Variants in SLC17A1 observed in about 807,000 individuals in gnomAD.
SLC17A1 encodes solute carrier family 17 member 1.
A neutral mutation model predicts 53.5 loss-of-function variants in SLC17A1; 51 were observed. The observed-to-expected ratio is 0.95, with a 90% CI of 0.76 to 1.20. The LOEUF is 1.20. Among genes scored for constraint, SLC17A1 ranks in the 50% most tolerant of loss-of-function variants. The probability of loss-of-function intolerance (pLI) is 0.00; values close to 1 mark genes in which losing one functional copy is unlikely to be tolerated. For synonymous variants in SLC17A1, 179 were observed against 198.8 expected (o/e 0.90, Z 0.84); for missense variants, 538 against 568.2 (o/e 0.95, Z 0.54).
At chr6:25,786,286 T>C (rs1561821232) in intron 12 of SLC17A1, among the ~76,000 whole-genome samples, 1 of 152,218 alleles carries the variant, frequency 6.6e-6, no homozygotes, top group Non-Finnish European at 1.5e-5. Flanking sequence ...AGACAAATTA[T>C]ATCAATGGTT....
the SLC17A1 span, chr6:25,770,146 T>C: frequency 1.9e-5 from 31 of 1,613,946 alleles, no homozygotes; most frequent in Admixed American, 3.3e-5. Flanking sequence ...TTGGCTCCAA[T>C]CCCCAGTGGC....
At chr6:25,770,193 G>T in the SLC17A1 span, 9 of 1,613,966 alleles carry the variant, frequency 5.6e-6, no homozygotes. Flanking sequence ...GTATGTGGTT[G>T]GTGCTGGCTT....
At position 25,798,849 on chromosome 6, in the gene SLC17A1, T is replaced by G. The variant is rs759822069; in HGVS notation, c.1340A>C (p.Tyr447Ser). ...AATTTCTGCTGTAGCAACTATAAGGTAGAAAATTAGGCCAGTCACATTAAT... is the reference window on the plus strand; with the variant it reads ...AATTTCTGCTGTAGCAACTATAAGGGAGAAAATTAGGCCAGTCACATTAAT... The part of the protein sequence containing the change: ...AAINVTGLIF[Y>S]LIVATAEIQD... The change falls in exon 12 of 13, where the codon TAC becomes TCC. Residue 447 changes from tyrosine to serine, a missense_variant. Physicochemically the swap from Tyr to Ser is moderately radical, Grantham distance 144. Transcript: ENST00000244527. 21 of 1,610,742 alleles carry G rather than the reference T, an allele frequency of 1.3e-5. No individual in the cohort carries two copies. The highest frequency in any genetic ancestry group is 1.8e-5 in the Non-Finnish European group (21 of 1,177,870).
chr6:25,785,689 TA>T (rs891034335), intron 12 of SLC17A1, among the ~76,000 whole-genome samples: 1 of 151,884 alleles, frequency 6.6e-6, no homozygotes, highest in Non-Finnish European at 1.5e-5. Context: ...TATATTTCTG[TA>T]AAAAAACAGA....
intron 6 of SLC17A1, among the ~76,000 whole-genome samples, chr6:25,814,730 T>A (rs961711728): frequency 1.1e-4 from 17 of 152,102 alleles, no homozygotes; most frequent in African/African-American, 4.1e-4. Flanking sequence ...ACGCCTGTAA[T>A]CCCAGCACTT....
intron 10 of SLC17A1, among the ~76,000 whole-genome samples, chr6:25,806,454 T>A (rs887269735): frequency 6.6e-6 from 1 of 152,068 alleles, no homozygotes; most frequent in Non-Finnish European, 1.5e-5. Context: ...GCATTCCTCC[T>A]GACAACTGGA....
the SLC17A1 span, chr6:25,773,316 A>T: frequency 6.2e-7 from 1 of 1,613,924 alleles, no homozygotes; most frequent in Non-Finnish European, 8.5e-7. Context: ...GTTTCCTCTC[A>T]TTTATGATGA....
chr6:25,752,378 G>A, the SLC17A1 span, among the ~76,000 whole-genome samples: 1 of 152,280 alleles, frequency 6.6e-6, no homozygotes, highest in East Asian at 1.9e-4. Context: ...AAAATGGTAT[G>A]TCTAGGAGAC....
chr6:25,826,761 C>A (rs1011695867), intron 2 of SLC17A1, 128 bp from the exon 3 acceptor site: 3 of 458,754 alleles, frequency 6.5e-6, no homozygotes, highest in South Asian at 6.4e-5. Context: ...TACTTAATGA[C>A]CTTTGATAAT....
the SLC17A1 span, chr6:25,770,938 G>C: frequency 6.2e-7 from 1 of 1,613,652 alleles, no homozygotes; most frequent in Non-Finnish European, 8.5e-7. Flanking sequence ...TCAATGCTGG[G>C]GTCCTTCATT....
chr6:25,796,434 G>C (rs527459629), intron 12 of SLC17A1, among the ~76,000 whole-genome samples: 1 of 151,850 alleles, frequency 6.6e-6, no homozygotes, highest in African/African-American at 2.4e-5. Flanking sequence ...TCATTTTTGA[G>C]TGACGCTATC....
intron 2 of SLC17A1, among the ~76,000 whole-genome samples, chr6:25,829,399 T>G (rs1439437743): frequency 6.6e-6 from 1 of 152,108 alleles, no homozygotes; most frequent in African/African-American, 2.4e-5. Flanking sequence ...CCTGAGAAAT[T>G]TAATCATCAG....
chr6:25,815,674 C>A (rs1415594022), intron 6 of SLC17A1, among the ~76,000 whole-genome samples: 2 of 152,098 alleles, frequency 1.3e-5, no homozygotes, highest in African/African-American at 2.4e-5. Flanking sequence ...ATTTGCAGAC[C>A]AAATTGCCAG....
At chr6:25,745,761 C>T in the SLC17A1 span, among the ~76,000 whole-genome samples, 6 of 152,148 alleles carry the variant, frequency 3.9e-5, no homozygotes, top group Admixed American at 3.9e-4. Flanking sequence ...GGAACTAATC[C>T]GTTACTCACA....
the SLC17A1 span, chr6:25,769,017 A>C: frequency 6.2e-7 from 1 of 1,614,054 alleles, no homozygotes; most frequent in East Asian, 2.2e-5. Context: ...GCTGGCCCTC[A>C]TCTTGCAGCT....
the SLC17A1 span, among the ~76,000 whole-genome samples, chr6:25,748,604 G>A: frequency 6.6e-5 from 10 of 152,106 alleles, no homozygotes; most frequent in Non-Finnish European, 1.3e-4. Context: ...TCAGGAGACC[G>A]GCGCTCAGCA....
At chr6:25,760,282 TTA>T in the SLC17A1 span, among the ~76,000 whole-genome samples, 1 of 152,202 alleles carries the variant, frequency 6.6e-6, no homozygotes, top group Non-Finnish European at 1.5e-5. Flanking sequence ...TTACTGTATT[TTA>T]TTTTTTTATT....
chr6:25,787,208 C>T (rs1234404393), intron 12 of SLC17A1, among the ~76,000 whole-genome samples: 1 of 151,952 alleles, frequency 6.6e-6, no homozygotes, highest in African/African-American at 2.4e-5. Context: ...TTATTGGAGG[C>T]CAGGTGCAGT....
chr6:25,796,066 T>G (rs1028584763), intron 12 of SLC17A1, among the ~76,000 whole-genome samples: 7 of 152,154 alleles, frequency 4.6e-5, no homozygotes, highest in Non-Finnish European at 8.8e-5. Context: ...GTGATTGTTC[T>G]CATAGCTGTG....
Sources: allele counts gnomAD v4.1 joint callset (sites outside exome capture counted in the v4.1 genomes callset), GRCh38; gene constraint gnomAD v4.1.1; transcripts MANE v1.5; gene names NCBI Gene and HGNC (gene_info 2026-07-23, HGNC 2026-07-21).